The following MID1 variants were observed in gnomAD, a reference collection of about 807,000 sequenced individuals.
The protein encoded by MID1 is midline 1, also known as E3 ubiquitin-protein ligase Midline-1.
A neutral mutation model predicts 40.4 loss-of-function variants in MID1; 7 were observed. The ratio of observed to expected loss-of-function variants is 0.17; its 90% CI spans 0.10 to 0.33. MID1 has a LOEUF of 0.33. Among genes scored for constraint, MID1 ranks in the 10% least tolerant of loss-of-function variants. The probability of loss-of-function intolerance (pLI) is 1.00; values close to 1 mark genes in which losing one functional copy is unlikely to be tolerated. For missense variants in MID1, 367 were observed against 558.5 expected (o/e 0.66, Z 3.46); for synonymous variants, 229 against 221.2 (o/e 1.04, Z -0.31).
chrX:10,698,712 C>CA (rs370004396), intron 1 of MID1, among the ~76,000 whole-genome samples: 8,701 of 67,402 alleles, frequency 0.13, 789 homozygotes, highest in African/African-American at 0.33. Context: ...ACAGCAGATG[C>CA]AAAAAAAAAG....
At chrX:10,656,415 GCC>G (rs2042872990) in intron 1 of MID1, among the ~76,000 whole-genome samples, 2 of 111,641 alleles carry the variant, frequency 1.8e-5, no homozygotes, top group Non-Finnish European at 3.8e-5. Flanking sequence ...GGTCTGTACT[GCC>G]ACTTCCTGTT....
Position 10,552,575 on chromosome X carries a change from G to C in MID1, c.660+14313C>G, listed in dbSNP as rs962005943. 6.4e-5 allele frequency among the ~76,000 whole-genome samples: 7 copies of C among 109,205 alleles called. No individual in the cohort carries two copies. The East Asian group carries it at 2.0e-3, about 31-fold the overall frequency. 94.8% of individuals were successfully genotyped at this position (109,205 alleles called of 115,157 possible). On this transcript the variant is annotated intron_variant, in intron 2 of 9. Coordinates refer to ENST00000317552, the MANE Select transcript of MID1 (RefSeq NM_000381.4). ...ATAGTCGTTATACTTTTTTATTTGT[G>C]TTTTTATCTTTTTTAATTGTTTTTT...
At chrX:10,584,029 TA>T (rs1272909418) in intron 1 of MID1, among the ~76,000 whole-genome samples, 346 of 96,563 alleles carry the variant, frequency 3.6e-3, no homozygotes, top group Admixed American at 2.7e-3. Flanking sequence ...AGACTCCATC[TA>T]AAAAAAAAAA....
rs145257385 is a variant in MID1 at position 10,662,563 on chromosome X, T to C, written c.-186-42144A>G. Among the ~76,000 whole-genome samples, 977 of 111,590 alleles carry C rather than the reference T, an allele frequency of 8.8e-3. 21 individuals carry two copies. Among genetic ancestry groups the C allele is most frequent in the East Asian group, 0.072 (257 of 3,570 alleles). ...TGTAGGGAGGATGCGTGTGTACTCA[T>C]ACAATGTTAGGATCGGCAGGACCAT... On this transcript the variant is annotated intron_variant, in intron 1 of 10. Coordinates refer to the MID1 transcript ENST00000380785.
At chrX:10,594,123 G>A (rs773740450) in intron 1 of MID1, among the ~76,000 whole-genome samples, 1 of 111,401 alleles carries the variant, frequency 9.0e-6, no homozygotes, top group Non-Finnish European at 1.9e-5. Flanking sequence ...GGACTGTATT[G>A]TAAGGCATAT....
At chrX:10,809,994 AT>A (rs1349680597) in intron 1 of MID1, among the ~76,000 whole-genome samples, 1 of 111,823 alleles carries the variant, frequency 8.9e-6, no homozygotes, top group African/African-American at 3.2e-5. Flanking sequence ...TTTTTTAAGT[AT>A]TTTTAAAGTT....
chrX:10,778,846 C>T (rs2043825377), intron 1 of MID1, among the ~76,000 whole-genome samples: 1 of 113,340 alleles, frequency 8.8e-6, no homozygotes, highest in African/African-American at 3.2e-5. Flanking sequence ...ATGTTTTAAG[C>T]CACTAAATTT....
intron 1 of MID1, among the ~76,000 whole-genome samples, chrX:10,683,253 C>A (rs2043070862): frequency 8.9e-6 from 1 of 111,851 alleles, no homozygotes; most frequent in Admixed American, 9.5e-5. Context: ...ATGACAGAAT[C>A]ATTAACATCT....
chrX:10,747,086 G>A (rs184665785), intron 1 of MID1, among the ~76,000 whole-genome samples: 69 of 111,422 alleles, frequency 6.2e-4, no homozygotes, highest in African/African-American at 2.1e-3. Flanking sequence ...CAGCTACGCA[G>A]AGGGAGGGGA....
chrX:10,647,807 A>T (rs1272565445), intron 1 of MID1, among the ~76,000 whole-genome samples: 1 of 111,809 alleles, frequency 8.9e-6, no homozygotes, highest in Non-Finnish European at 1.9e-5. Flanking sequence ...TCATATACGT[A>T]GGTAAAAGAA....
At chrX:10,667,055 G>A (rs767601958) in intron 1 of MID1, among the ~76,000 whole-genome samples, 125 of 111,416 alleles carry the variant, frequency 1.1e-3, no homozygotes, top group Middle Eastern at 4.7e-3. Flanking sequence ...GGGTGGGACA[G>A]GGAAGTGGGT....
At chrX:10,750,074 C>T (rs1237979587) in intron 1 of MID1, among the ~76,000 whole-genome samples, 1 of 110,994 alleles carries the variant, frequency 9.0e-6, no homozygotes, top group East Asian at 2.8e-4. Context: ...AAGATCACAC[C>T]CCGGAGATTC....
intron 3 of MID1, among the ~76,000 whole-genome samples, chrX:10,520,884 GAGA>G (rs991962724): frequency 9.0e-6 from 1 of 111,357 alleles, no homozygotes; most frequent in African/African-American, 3.3e-5. Flanking sequence ...ATAAAGCCAT[GAGA>G]AGATTATTAC....
rs756606296 is a variant in MID1 at position 10,598,426 on chromosome X, G to A, written c.-57+21864C>T. Among the ~76,000 whole-genome samples the A allele has an allele frequency of 3.3e-3, 366 of 111,914 alleles. 1 individual carries two copies. The highest frequency in any genetic ancestry group is 0.011 in the African/African-American group (353 of 30,798). On this transcript the variant is annotated intron_variant, in intron 1 of 9. Coordinates refer to ENST00000317552, the MANE Select transcript of MID1 (RefSeq NM_000381.4). ...AATGGCAGCCCAAAGATGTCCACCT[G>A]AAGCCCTGGAACTTGTGAATGTGAC...
At chrX:10,501,306 G>T (rs1931529499) in intron 3 of MID1, 2 of 816,807 alleles carry the variant, frequency 2.4e-6, no homozygotes, top group East Asian at 3.5e-5. Flanking sequence ...CTCACCTCAA[G>T]TACACTCATG....
Position 10,599,122 on chromosome X carries a change from G to A in MID1, c.-57+21168C>T, listed in dbSNP as rs577095072. ...CAAGAATCCACAATAAGTCTTGCCAGACAAGTCCTAGCTCTTGACCTCTGC... is the reference window on the plus strand; with the variant it reads ...CAAGAATCCACAATAAGTCTTGCCAAACAAGTCCTAGCTCTTGACCTCTGC... On this transcript the variant is annotated intron_variant, in intron 1 of 9. Coordinates refer to ENST00000317552, the MANE Select transcript of MID1 (RefSeq NM_000381.4). Among the ~76,000 whole-genome samples the A allele has an allele frequency of 2.9e-3, 327 of 111,614 alleles. 1 individual carries two copies. In the Middle Eastern group the frequency reaches 0.032, roughly 11 times the overall value.
chrX:10,491,078 C>T (rs1309113215), intron 4 of MID1, among the ~76,000 whole-genome samples: 7 of 111,982 alleles, frequency 6.3e-5, no homozygotes, highest in Non-Finnish European at 9.4e-5. Context: ...ACAAGTAAAA[C>T]TCCTCCTGAT....
At chrX:10,798,717 A>C (rs7891323) in intron 1 of MID1, among the ~76,000 whole-genome samples, 4,252 of 111,406 alleles carry the variant, frequency 0.038, 180 homozygotes, top group African/African-American at 0.13. Context: ...AAGGGAAGAG[A>C]AAGTAGGAAA....
chrX:10,794,976 G>A (rs7879493), intron 1 of MID1, among the ~76,000 whole-genome samples: 11,580 of 111,119 alleles, frequency 0.1, 1,480 homozygotes, highest in African/African-American at 0.36. Flanking sequence ...AGTACTTTCT[G>A]TGGACTCAGT....
Sources: allele counts gnomAD v4.1 joint callset (sites outside exome capture counted in the v4.1 genomes callset), GRCh38; gene constraint gnomAD v4.1.1; transcripts MANE v1.5; gene names NCBI Gene and HGNC (gene_info 2026-07-23, HGNC 2026-07-21).